ACP3: variants seen among roughly 807,000 people sequenced by gnomAD.
ACP3 encodes prostatic acid phosphatase.
Under a neutral mutation model 45.6 loss-of-function variants are expected in ACP3, and 38 were observed. The ratio of observed to expected loss-of-function variants is 0.83; its 90% CI spans 0.64 to 1.09. The LOEUF (loss-of-function observed/expected upper bound fraction) is 1.09. ACP3 is among the 50% of genes least tolerant of loss of function. The pLI, the probability that ACP3 is intolerant of heterozygous loss-of-function variation, is 0.00. For missense variants in ACP3, 466 were observed against 463.2 expected (o/e 1.01, Z -0.05); for synonymous variants, 162 against 164.7 (o/e 0.98, Z 0.13).
At chr3:132,362,511 G>A, downstream of ACP3, among the ~76,000 whole-genome samples, 1 of 152,184 alleles carries the variant, frequency 6.6e-6, no homozygotes, top group East Asian at 1.9e-4. Context: ...TCCCCATATG[G>A]CTTGCAGACC....
chr3:132,332,274 T>C lies in ACP3; in HGVS notation c.386T>C (p.Val129Ala). The change falls in exon 4 of 10, where the codon GTC (valine) becomes GCC (alanine). Residue 129 changes from valine (V) to alanine (A), a missense_variant. By Grantham distance (64) the Val-to-Ala change is moderately conservative. Coordinates refer to ENST00000336375, the MANE Select transcript of ACP3 (RefSeq NM_001099.5). ...NLAALFPPEG[V>A]SIWNPILLWQ... ...GCAGCCCTGTTTCCCCCAGAAGGTGTCAGCATCTGGAATCCTATCCTACTC... is the reference window on the plus strand; with the variant it reads ...GCAGCCCTGTTTCCCCCAGAAGGTGCCAGCATCTGGAATCCTATCCTACTC... 6.2e-7 allele frequency: 1 copy of C among 1,614,092 alleles called. No individual in the cohort carries two copies. The highest frequency in any genetic ancestry group is 8.5e-7 in the Non-Finnish European group (1 of 1,179,988).
At chr3:132,330,651 T>G (rs2107798239) in intron 2 of ACP3, among the ~76,000 whole-genome samples, 1 of 152,236 alleles carries the variant, frequency 6.6e-6, no homozygotes, top group Middle Eastern at 3.4e-3. Context: ...CTATCGTAGA[T>G]GGGAAGTGAT....
At chr3:132,340,436 A>G (rs2310229) in intron 5 of ACP3, among the ~76,000 whole-genome samples, 39,450 of 151,970 alleles carry the variant, frequency 0.26, 5,669 homozygotes, top group East Asian at 0.64. Context: ...GTTCTGTATC[A>G]ATGTATTCTT....
At chr3:132,320,397 A>T (rs1471177661) in intron 1 of ACP3, among the ~76,000 whole-genome samples, 1 of 152,112 alleles carries the variant, frequency 6.6e-6, no homozygotes, top group Non-Finnish European at 1.5e-5. Flanking sequence ...CATTTCCCAC[A>T]CACACCCACT....
chr3:132,348,978 C>G (rs180928020), intron 7 of ACP3, among the ~76,000 whole-genome samples: 4 of 151,980 alleles, frequency 2.6e-5, no homozygotes, highest in African/African-American at 9.7e-5. Flanking sequence ...CTGTTAATAT[C>G]AATGCCCTGC....
intron 4 of ACP3, among the ~76,000 whole-genome samples, chr3:132,335,814 T>C (rs191001956): frequency 1.3e-3 from 195 of 152,240 alleles, no homozygotes; most frequent in African/African-American, 4.4e-3. Flanking sequence ...AAGAGGGCAG[T>C]GCAGTTCCTA....
At chr3:132,321,891 T>G (rs1937213013) in intron 1 of ACP3, among the ~76,000 whole-genome samples, 2 of 152,270 alleles carry the variant, frequency 1.3e-5, no homozygotes, top group South Asian at 4.1e-4. Flanking sequence ...CAAAAATAAT[T>G]ATAACAAATA....
At chr3:132,355,898 C>T (rs1411116582) in intron 9 of ACP3, among the ~76,000 whole-genome samples, 1 of 145,322 alleles carries the variant, frequency 6.9e-6, no homozygotes, top group Non-Finnish European at 1.5e-5. Context: ...TTTATAATGA[C>T]AACCAAAAGT....
At chr3:132,359,130 G>A (rs1429961910), downstream of ACP3, among the ~76,000 whole-genome samples, 2 of 152,206 alleles carry the variant, frequency 1.3e-5, no homozygotes. Context: ...ACAGATTACT[G>A]TGGGAACAAG....
chr3:132,344,171 G>A (rs917127805), intron 6 of ACP3, among the ~76,000 whole-genome samples: 4 of 151,996 alleles, frequency 2.6e-5, no homozygotes, highest in East Asian at 3.9e-4. Flanking sequence ...CCAGCTACTC[G>A]GGAGGCTGAG....
chr3:132,341,460 T>C (rs1051329719), intron 5 of ACP3, among the ~76,000 whole-genome samples: 2 of 152,256 alleles, frequency 1.3e-5, no homozygotes, highest in Non-Finnish European at 2.9e-5. Context: ...GAACAATCTT[T>C]ATATTTCTCA....
intron 1 of ACP3, 27 bp from the exon 2 acceptor site, chr3:132,328,240 A>C: frequency 2.5e-6 from 4 of 1,572,672 alleles, no homozygotes; most frequent in Non-Finnish European, 3.5e-6. Context: ...GACGTTTGTA[A>C]CATCACTCTC....
intron 7 of ACP3, 147 bp downstream of exon 7, chr3:132,345,206 T>C: frequency 1.4e-6 from 1 of 694,458 alleles, no homozygotes; most frequent in Non-Finnish European, 2.4e-6. Context: ...AATGGGGATA[T>C]TAATGATACC....
chr3:132,361,018 G>T (rs1938031122), downstream of ACP3, among the ~76,000 whole-genome samples: 1 of 152,198 alleles, frequency 6.6e-6, no homozygotes, highest in African/African-American at 2.4e-5. Context: ...AGAGAGAGAA[G>T]CTATGAATGA....
intron 6 of ACP3, among the ~76,000 whole-genome samples, chr3:132,342,904 T>C (rs371646468): frequency 0.055 from 3,563 of 65,334 alleles, 126 homozygotes; most frequent in African/African-American, 0.17. Context: ...TCCACTTTAG[T>C]TTTTTCCCCC....
intron 4 of ACP3, among the ~76,000 whole-genome samples, chr3:132,337,153 A>G (rs1937505908): frequency 6.6e-6 from 1 of 151,988 alleles, no homozygotes; most frequent in South Asian, 2.1e-4. Flanking sequence ...AAGCAAGATA[A>G]CAGTTATTCA....
downstream of ACP3, among the ~76,000 whole-genome samples, chr3:132,362,237 G>A (rs1474325278): frequency 6.6e-6 from 1 of 152,040 alleles, no homozygotes; most frequent in Non-Finnish European, 1.5e-5. Context: ...GAACCTCAGA[G>A]GATAACATGC....
intron 2 of ACP3, among the ~76,000 whole-genome samples, chr3:132,328,697 A>T (rs1355699890): frequency 1.3e-5 from 2 of 151,770 alleles, no homozygotes; most frequent in Non-Finnish European, 2.9e-5. Context: ...AAAAAAAAAA[A>T]AAAAAGATTC....
chr3:132,322,279 T>G (rs1937220579), intron 1 of ACP3, among the ~76,000 whole-genome samples: 1 of 152,216 alleles, frequency 6.6e-6, no homozygotes, highest in African/African-American at 2.4e-5. Context: ...ATTAGACTTG[T>G]CCTGATTGCT....
Sources: allele counts gnomAD v4.1 joint callset (sites outside exome capture counted in the v4.1 genomes callset), GRCh38; gene constraint gnomAD v4.1.1; transcripts MANE v1.5; gene names NCBI Gene and HGNC (gene_info 2026-07-23, HGNC 2026-07-21).